The following PPP1R21 variants were observed in gnomAD, a reference collection of about 807,000 sequenced individuals.
PPP1R21 encodes the protein KLRAQ motif containing 1.
A neutral mutation model predicts 112.8 loss-of-function variants in PPP1R21; 85 were observed. That is an observed-to-expected ratio of 0.75 (90% CI 0.63 to 0.90). The LOEUF is 0.90. PPP1R21 is among the 40% of genes least tolerant of loss of function. PPP1R21 has a pLI of 0.00. For synonymous variants in PPP1R21, 381 were observed against 322.3 expected (o/e 1.18, Z -1.95); for missense variants, 1,199 against 901.5 (o/e 1.33, Z -4.23).
At chr2:48,441,138 C>A (rs776038062) in intron 1 of PPP1R21, 128 bp downstream of exon 1, 1 of 699,068 alleles carries the variant, frequency 1.4e-6, no homozygotes, top group Non-Finnish European at 2.6e-6. Context: ...TTCCCCTCAG[C>A]CGTCTCCGTC....
At position 48,468,829 on chromosome 2, in the gene PPP1R21, ATGTGTG is replaced by A. The variant is rs113373775; in HGVS notation, c.898-2234_898-2229del. On this transcript the variant is annotated intron_variant, in intron 9 of 21. Coordinates refer to ENST00000294952, the MANE Select transcript of PPP1R21 (RefSeq NM_001135629.3). ...GACCCTGTCTCAAGAAAAAAAATGTATGTGTGTGTGTGTGTGTGTGTGTGTGTGTAT... is the reference window on the plus strand; with the variant it reads ...GACCCTGTCTCAAGAAAAAAAATGTATGTGTGTGTGTGTGTGTGTGTGTAT... Among the ~76,000 whole-genome samples the A allele has an allele frequency of 7.8e-4, 114 of 146,542 alleles. 1 individual carries two copies. In the East Asian group the frequency reaches 0.011, roughly 14 times the overall value.
chr2:48,461,833 A>G (rs996475256), intron 7 of PPP1R21, among the ~76,000 whole-genome samples: 1 of 152,252 alleles, frequency 6.6e-6, no homozygotes, highest in Non-Finnish European at 1.5e-5. Flanking sequence ...TGAAACTTAC[A>G]TTCAAATTGA....
chr2:48,471,445 CAT>C, intron 11 of PPP1R21, 78 bp downstream of exon 11: 2 of 1,371,296 alleles, frequency 1.5e-6, no homozygotes, highest in Non-Finnish European at 9.9e-7. Context: ...AAAATATTAA[CAT>C]GTGCCTCTTG....
chr2:48,465,359 G>T, intron 8 of PPP1R21, 134 bp from the exon 9 acceptor site: 2 of 888,774 alleles, frequency 2.3e-6, no homozygotes, highest in South Asian at 2.0e-5. Flanking sequence ...TAAAATTCAA[G>T]TGGGAGCAGA....
intron 17 of PPP1R21, among the ~76,000 whole-genome samples, chr2:48,499,687 C>G (rs1020426774): frequency 2.0e-5 from 3 of 152,194 alleles, no homozygotes; most frequent in African/African-American, 7.2e-5. Context: ...ACTGTAGAAA[C>G]CCATCAGGTT....
intron 7 of PPP1R21, among the ~76,000 whole-genome samples, chr2:48,462,825 A>T (rs1475150313): frequency 2.0e-5 from 3 of 151,974 alleles, no homozygotes; most frequent in Non-Finnish European, 2.9e-5. Flanking sequence ...GGAGTGGGAC[A>T]AGGGAGTCAA....
intron 16 of PPP1R21, among the ~76,000 whole-genome samples, chr2:48,498,173 C>T (rs1194716893): frequency 2.6e-5 from 4 of 151,124 alleles, no homozygotes; most frequent in African/African-American, 9.7e-5. Flanking sequence ...TGCAAAAATT[C>T]CTTGTATGTT....
chr2:48,450,014 T>C (rs1476638269), intron 1 of PPP1R21, among the ~76,000 whole-genome samples: 4 of 152,242 alleles, frequency 2.6e-5, no homozygotes, highest in African/African-American at 9.6e-5. Context: ...TATAGATGTA[T>C]ACATAAGTAA....
Position 48,498,622 on chromosome 2 carries a change from G to C in PPP1R21, c.1822G>C (p.Gly608Arg). 6.2e-7 allele frequency: 1 copy of C among 1,614,256 alleles called. No homozygotes were observed. Among genetic ancestry groups the C allele is most frequent in the Non-Finnish European group, 8.5e-7 (1 of 1,180,046 alleles). ...QRIADKLKNT[G>R]SAQLVGLAQE... ...AATTGCAGATAAGCTGAAGAATACA[G>C]GTAGTGCCCAGCTGGTTGGGCTGGC... Residue 608 changes from glycine (G) to arginine (R), a missense_variant, in exon 17 of 22, where the codon GGT (glycine) becomes CGT (arginine). Gly to Arg is a moderately radical substitution (Grantham distance 125). Transcript: ENST00000294952.
Position 48,480,004 on chromosome 2 carries a change from G to C in PPP1R21, c.1306G>C (p.Asp436His), listed in dbSNP as rs1558477231. Residue 436 changes from aspartate to histidine, a missense_variant, in exon 13 of 22, where the codon GAC becomes CAC. Physicochemically the swap from Asp to His is moderately conservative, Grantham distance 81. Coordinates refer to ENST00000294952, the MANE Select transcript of PPP1R21 (RefSeq NM_001135629.3). Reference protein sequence around the residue: ...NVGAALHGFHDVMKDISKHYS... With the variant: ...NVGAALHGFHHVMKDISKHYS... Reference sequence around the variant, plus strand: ...TGGTGCTGCTCTGCATGGATTTCATGACGTTATGAAAGGTAGGCCTTGAAA... The same window carrying C: ...TGGTGCTGCTCTGCATGGATTTCATCACGTTATGAAAGGTAGGCCTTGAAA... 1 of 1,608,316 alleles carries C rather than the reference G, an allele frequency of 6.2e-7. No individual in the cohort carries two copies. Among genetic ancestry groups the C allele is most frequent in the Non-Finnish European group, 8.5e-7 (1 of 1,174,656 alleles).
intron 18 of PPP1R21, 147 bp from the exon 19 acceptor site, chr2:48,507,122 A>G (rs970124749): frequency 2.6e-6 from 3 of 1,160,084 alleles, no homozygotes; most frequent in Admixed American, 8.2e-5. Flanking sequence ...CTATGTCTGA[A>G]GTTTCTTCGA....
At chr2:48,460,222 C>G in intron 6 of PPP1R21, 69 bp downstream of exon 6, 3 of 1,453,892 alleles carry the variant, frequency 2.1e-6, no homozygotes, top group Non-Finnish European at 2.9e-6. Flanking sequence ...TTGGTTGTAG[C>G]AGCTCCTCTG....
intron 2 of PPP1R21, 34 bp from the exon 3 acceptor site, chr2:48,454,561 C>T (rs768598977): frequency 9.9e-6 from 16 of 1,612,968 alleles, no homozygotes; most frequent in African/African-American, 1.3e-5. Context: ...TACAGCTAAA[C>T]TGTGAGGACC....
At chr2:48,496,261 C>T (rs1172805883) in intron 16 of PPP1R21, among the ~76,000 whole-genome samples, 4 of 152,072 alleles carry the variant, frequency 2.6e-5, no homozygotes, top group African/African-American at 9.7e-5. Context: ...TGGCTGGTAA[C>T]TCCCATAGTC....
intron 13 of PPP1R21, among the ~76,000 whole-genome samples, chr2:48,481,025 A>T (rs890490028): frequency 6.6e-6 from 1 of 152,064 alleles, no homozygotes; most frequent in South Asian, 2.1e-4. Flanking sequence ...GTTTCGCTTT[A>T]TTGCCCAGGC....
At position 48,449,392 on chromosome 2, in the gene PPP1R21, C is replaced by A. The variant is rs1013895493; in HGVS notation, c.58-1616C>A. ...TATAGTGAATTTCCCATTCTATAGA[C>A]CATATAGCTGGTTAAGTGAATTTCC... On this transcript the variant is annotated intron_variant, in intron 1 of 21. Coordinates refer to ENST00000294952, the MANE Select transcript of PPP1R21 (RefSeq NM_001135629.3). 2.6e-5 allele frequency among the ~76,000 whole-genome samples: 4 copies of A among 152,260 alleles called. No homozygotes were observed. In the East Asian group the frequency reaches 7.7e-4, roughly 29 times the overall value.
chr2:48,460,518 TAG>T (rs1222572756), intron 6 of PPP1R21, among the ~76,000 whole-genome samples: 1 of 152,176 alleles, frequency 6.6e-6, no homozygotes, highest in African/African-American at 2.4e-5. Flanking sequence ...TTGAATAAAA[TAG>T]AGGTTATGCG....
chr2:48,475,410 A>C lies in PPP1R21; in HGVS notation c.1225+591A>C, dbSNP rs529962477. Among the ~76,000 whole-genome samples the C allele has an allele frequency of 3.3e-5, 5 of 152,306 alleles. No homozygotes were observed. The South Asian group carries it at 1.0e-3, about 32-fold the overall frequency. ...AATATCAGGCATTGAGCATGCATTA[A>C]ATATTAATTCCTTTCCCTTCCTTCC... On this transcript the variant is annotated intron_variant, in intron 12 of 21. Coordinates refer to ENST00000294952, the MANE Select transcript of PPP1R21 (RefSeq NM_001135629.3).
intron 11 of PPP1R21, among the ~76,000 whole-genome samples, chr2:48,473,959 A>G (rs1175769741): frequency 6.6e-6 from 1 of 152,184 alleles, no homozygotes; most frequent in Non-Finnish European, 1.5e-5. Flanking sequence ...GTACTGGAAA[A>G]GATTTTCTAG....
Sources: gnomAD v4.1 joint callset for allele counts (sites outside exome capture counted in the v4.1 genomes callset) on GRCh38, gnomAD v4.1.1 for gene constraint, MANE v1.5 for transcripts, NCBI Gene and HGNC (gene_info 2026-07-23, HGNC 2026-07-21) for gene names.